Variants in ADSS2 observed in about 807,000 individuals in gnomAD.
ADSS2 encodes the protein adenylosuccinate synthase 2.
Under a neutral mutation model 60.0 loss-of-function variants are expected in ADSS2, and 30 were observed. The observed-to-expected ratio is 0.50, with a 90% CI of 0.37 to 0.68. The LOEUF (loss-of-function observed/expected upper bound fraction) is 0.68. Ranked by LOEUF, ADSS2 falls within the 30% of genes least tolerant of loss-of-function variation. The pLI, the probability that ADSS2 is intolerant of heterozygous loss-of-function variation, is 0.00. For synonymous variants in ADSS2, 187 were observed against 193.1 expected (o/e 0.97, Z 0.26); for missense variants, 373 against 554.8 (o/e 0.67, Z 3.29).
At chr1:244,428,853 A>G (rs986548712) in intron 4 of ADSS2, among the ~76,000 whole-genome samples, 1 of 152,168 alleles carries the variant, frequency 6.6e-6, no homozygotes, top group African/African-American at 2.4e-5. Context: ...AAATCTGAAT[A>G]TCCCGATATC....
At chr1:244,420,099 A>G (rs1436016042) in intron 8 of ADSS2, 71 bp downstream of exon 8, 4 of 1,466,372 alleles carry the variant, frequency 2.7e-6, no homozygotes, top group Non-Finnish European at 3.7e-6. Context: ...TAATGCTAAC[A>G]TTAATTATTT....
At chr1:244,427,287 G>C (rs1224133207) in intron 4 of ADSS2, among the ~76,000 whole-genome samples, 1 of 152,056 alleles carries the variant, frequency 6.6e-6, no homozygotes. Flanking sequence ...GGTAACTCAA[G>C]TAACGTAAAA....
chr1:244,441,960 A>C (rs1010686080), intron 1 of ADSS2, among the ~76,000 whole-genome samples: 2 of 152,006 alleles, frequency 1.3e-5, no homozygotes, highest in African/African-American at 2.4e-5. Context: ...TGTCTCAAAC[A>C]AACAAACAAA....
At chr1:244,423,020 G>A in intron 6 of ADSS2, 104 bp from the exon 7 acceptor site, 4 of 703,214 alleles carry the variant, frequency 5.7e-6, no homozygotes, top group East Asian at 2.9e-5. Flanking sequence ...GATCTTAACA[G>A]CAAATTAATC....
intron 1 of ADSS2, among the ~76,000 whole-genome samples, chr1:244,449,219 T>C (rs904721900): frequency 6.6e-6 from 1 of 152,256 alleles, no homozygotes; most frequent in Non-Finnish European, 1.5e-5. Flanking sequence ...AAATTTATCA[T>C]TAAATGCAAT....
intron 11 of ADSS2, among the ~76,000 whole-genome samples, chr1:244,415,268 T>C (rs1349935366): frequency 6.6e-6 from 1 of 152,232 alleles, no homozygotes; most frequent in African/African-American, 2.4e-5. Flanking sequence ...GGACATAACA[T>C]ATACTGGAAC....
intron 4 of ADSS2, among the ~76,000 whole-genome samples, chr1:244,429,649 T>A (rs1016265196): frequency 1.3e-5 from 2 of 152,074 alleles, no homozygotes; most frequent in Non-Finnish European, 2.9e-5. Context: ...GGAGGCCAGG[T>A]CAGGTGGATC....
At chr1:244,417,520 T>C in intron 10 of ADSS2, 108 bp downstream of exon 10, 2 of 1,339,706 alleles carry the variant, frequency 1.5e-6, no homozygotes, top group South Asian at 1.4e-5. Flanking sequence ...AATTTCAATA[T>C]GGAGTCTAAA....
intron 1 of ADSS2, among the ~76,000 whole-genome samples, chr1:244,447,575 G>A (rs1363656896): frequency 2.0e-5 from 3 of 152,144 alleles, no homozygotes; most frequent in Admixed American, 6.5e-5. Context: ...ATGGTATTCA[G>A]TCGAAATATG....
intron 4 of ADSS2, among the ~76,000 whole-genome samples, chr1:244,430,542 A>G (rs1193428886): frequency 6.6e-6 from 1 of 152,222 alleles, no homozygotes; most frequent in Non-Finnish European, 1.5e-5. Context: ...TGATTAAGAT[A>G]CTGAATTTCA....
chr1:244,410,647 A>AT (rs1035337013), intron 12 of ADSS2, among the ~76,000 whole-genome samples: 3 of 152,062 alleles, frequency 2.0e-5, no homozygotes, highest in African/African-American at 7.2e-5. Context: ...AACACACAAC[A>AT]TTTTTTGTGG....
intron 3 of ADSS2, among the ~76,000 whole-genome samples, chr1:244,433,605 C>T (rs1284471303): frequency 1.3e-5 from 2 of 152,256 alleles, no homozygotes; most frequent in East Asian, 3.9e-4. Flanking sequence ...CGCCTGTAAT[C>T]CCAGCACTTT....
At chr1:244,443,018 C>T (rs1277193559) in intron 1 of ADSS2, among the ~76,000 whole-genome samples, 1 of 152,148 alleles carries the variant, frequency 6.6e-6, no homozygotes, top group Non-Finnish European at 1.5e-5. Flanking sequence ...GATGGAGCTG[C>T]TCCTACATGG....
chr1:244,451,945 C>T (rs1179382596), upstream of ADSS2: 1 of 999,536 alleles, frequency 1.0e-6, no homozygotes, highest in East Asian at 3.0e-5. This position sits in a 1 kb window ranked among gnomAD's most constrained non-coding sequence, Gnocchi z 6.6. Context: ...GCCCCCGCCC[C>T]GCCGGGCCGC....
At chr1:244,415,113 A>G (rs1192145372) in intron 11 of ADSS2, among the ~76,000 whole-genome samples, 1 of 152,236 alleles carries the variant, frequency 6.6e-6, no homozygotes, top group Non-Finnish European at 1.5e-5. Flanking sequence ...TAATAGTTTA[A>G]TTAAAAGAAT....
chr1:244,423,891 A>C (rs544112122), intron 6 of ADSS2, 62 bp downstream of exon 6: 1 of 1,365,090 alleles, frequency 7.3e-7, no homozygotes, highest in Non-Finnish European at 1.0e-6. Context: ...TTTGCACCCT[A>C]GATTTTAAAA....
intron 10 of ADSS2, among the ~76,000 whole-genome samples, chr1:244,417,308 C>T (rs898101354): frequency 7.2e-5 from 11 of 152,258 alleles, no homozygotes; most frequent in African/African-American, 2.6e-4. Context: ...CATCGCCTCC[C>T]GGCTGTACAT....
At chr1:244,433,282 C>CAA (rs1664994613) in intron 3 of ADSS2, among the ~76,000 whole-genome samples, 1 of 152,136 alleles carries the variant, frequency 6.6e-6, no homozygotes, top group Non-Finnish European at 1.5e-5. Context: ...CTGAAGCAAT[C>CAA]AAGTTTGTAT....
intron 4 of ADSS2, among the ~76,000 whole-genome samples, chr1:244,425,880 A>G (rs979842655): frequency 1.3e-5 from 2 of 152,162 alleles, no homozygotes; most frequent in Non-Finnish European, 2.9e-5. Context: ...ACACCAAAAG[A>G]TATCTATCTA....
Sources: allele counts gnomAD v4.1 joint callset (sites outside exome capture counted in the v4.1 genomes callset), GRCh38; gene constraint gnomAD v4.1.1; non-coding constraint Gnocchi (gnomAD v3.1); transcripts MANE v1.5; gene names NCBI Gene and HGNC (gene_info 2026-07-23, HGNC 2026-07-21).